Variants in NBEAL1 observed in about 807,000 individuals in gnomAD.
NBEAL1 encodes neurobeachin like 1.
In NBEAL1, 273 loss-of-function variants were observed where a neutral mutation model predicts 351.3. The observed-to-expected ratio is 0.78, with a 90% CI of 0.70 to 0.86. NBEAL1 has a LOEUF of 0.86. NBEAL1 is among the 40% of genes least tolerant of loss of function. NBEAL1 has a pLI of 0.00. For synonymous variants in NBEAL1, 1,050 were observed against 1,086.4 expected, an observed-to-expected ratio of 0.97 and a Z score of 0.66; for missense variants, 2,961 against 3,201.3, an observed-to-expected ratio of 0.92 and a Z score of 1.81.
At chr2:203,201,124 C>G (rs955834730) in intron 49 of NBEAL1, among the ~76,000 whole-genome samples, 9 of 152,214 alleles carry the variant, frequency 5.9e-5, no homozygotes, top group Admixed American at 5.9e-4. Flanking sequence ...ACACACTTAT[C>G]TGCCTGATTT....
intron 10 of NBEAL1, among the ~76,000 whole-genome samples, chr2:203,096,369 A>G (rs142677521): frequency 6.6e-6 from 1 of 152,330 alleles, no homozygotes; most frequent in East Asian, 1.9e-4. Flanking sequence ...TGCATATTTC[A>G]GCATGTAACT....
chr2:203,214,079 A>G (rs1410869394), intron 55 of NBEAL1, among the ~76,000 whole-genome samples: 1 of 152,168 alleles, frequency 6.6e-6, no homozygotes, highest in Admixed American at 6.5e-5. Flanking sequence ...AAATATCCCC[A>G]TTTAGTGTGC....
chr2:203,126,148 T>C (rs1167508683), intron 21 of NBEAL1, 55 bp downstream of exon 21: 7 of 1,455,700 alleles, frequency 4.8e-6, no homozygotes, highest in Non-Finnish European at 6.4e-6. Flanking sequence ...TTGCAGTTGA[T>C]GTTGGGATTT....
Position 203,126,031 on chromosome 2 carries a change from A to G in NBEAL1, c.2923A>G (p.Ile975Val). The G allele has an allele frequency of 6.5e-7, 1 of 1,543,964 alleles. No homozygotes were observed. The highest frequency in any genetic ancestry group is 8.7e-7 in the Non-Finnish European group (1 of 1,143,932). ...IVKHFIQRHP[I>V]NQGNLIHSHG... ...GAAACATTTTATTCAGAGACATCCT[A>G]TCAACCAGGGCAATCTTATTCACTC... is the stretch of plus-strand genomic sequence containing the variant. Residue 975 changes from isoleucine (I) to valine (V), a missense_variant, in exon 21 of 56, where the codon ATC becomes GTC. By Grantham distance (29) the Ile-to-Val change is conservative (BLOSUM62 3). Coordinates refer to ENST00000683969, the MANE Select transcript of NBEAL1 (RefSeq NM_001378026.1).
At position 203,219,236 on chromosome 2, in the gene NBEAL1, T is replaced by C. The variant is rs982510478; in HGVS notation, c.*1882T>C. On this transcript the variant is annotated 3_prime_UTR_variant, in exon 56 of 56. Coordinates refer to ENST00000683969, the MANE Select transcript of NBEAL1 (RefSeq NM_001378026.1). ...AAAATACTGATTTTTTTAGAAACTT[T>C]TTCTAAATCAAAACCTACTAAGTTT... 1 of 152,124 alleles carries C rather than the reference T, an allele frequency of 6.6e-6. No homozygotes were observed. The highest frequency in any genetic ancestry group is 2.4e-5 in the African/African-American group (1 of 41,448). 9.4% of individuals were successfully genotyped at this position (152,124 alleles called of 1,614,324 possible). A position where few individuals can be genotyped will look rare whatever the true frequency, so the allele number is the denominator to read the frequency against.
Position 203,108,013 on chromosome 2 carries a change from C to G in NBEAL1, c.1774C>G (p.Leu592Val), listed in dbSNP as rs2062474576. 1 of 1,554,272 alleles carries G rather than the reference C, an allele frequency of 6.4e-7. No individual in the cohort carries two copies. The highest frequency in any genetic ancestry group is 1.2e-5 in the South Asian group (1 of 84,268). ...CCTGACAATGGCCCGAAAACTAAGT[C>G]TAGAGAGTGCCCTCCAGTATTTCAA... ...AILTMARKLS[L>V]ESALQYFNLS... Residue 592 changes from leucine to valine, a missense_variant, in exon 14 of 56, where the codon CTA becomes GTA. Coordinates refer to ENST00000683969, the MANE Select transcript of NBEAL1 (RefSeq NM_001378026.1).
At chr2:203,083,604 C>A in intron 9 of NBEAL1, 79 bp downstream of exon 9, 1 of 1,094,696 alleles carries the variant, frequency 9.1e-7, no homozygotes, top group Non-Finnish European at 1.3e-6. Flanking sequence ...AAATACAAGG[C>A]CATTGTATGG....
intron 17 of NBEAL1, 139 bp downstream of exon 17, chr2:203,113,457 T>C (rs948306333): frequency 2.5e-5 from 14 of 565,014 alleles, no homozygotes; most frequent in East Asian, 3.5e-5. Flanking sequence ...TTTGTTTTAA[T>C]TGAAGCTGAA....
In NBEAL1 at chr2:203,218,457, T is replaced by C. The variant is rs1271403520; in HGVS notation, c.*1103T>C. 1 of 152,204 alleles carries C rather than the reference T, an allele frequency of 6.6e-6. No individual in the cohort carries two copies. Among genetic ancestry groups the C allele is most frequent in the Non-Finnish European group, 1.5e-5 (1 of 68,022 alleles). 9.4% of individuals were successfully genotyped at this position (152,204 alleles called of 1,614,324 possible). A position where few individuals can be genotyped will look rare whatever the true frequency, so the allele number is the denominator to read the frequency against. ...CTTTTGAGTTAGGTCAGAGAGCTTTTACAACTACCAGTGTTATTAATCTGA... is the reference window on the plus strand; with the variant it reads ...CTTTTGAGTTAGGTCAGAGAGCTTTCACAACTACCAGTGTTATTAATCTGA... On this transcript the variant is annotated 3_prime_UTR_variant, in exon 56 of 56. Coordinates refer to ENST00000683969, the MANE Select transcript of NBEAL1 (RefSeq NM_001378026.1).
At chr2:203,209,007 G>A (rs78593916) in intron 52 of NBEAL1, among the ~76,000 whole-genome samples, 154 bp from the exon 53 acceptor site, 1 of 152,150 alleles carries the variant, frequency 6.6e-6, no homozygotes, top group Admixed American at 6.5e-5. Context: ...AAATTTCGAA[G>A]TTGGAATTTT....
intron 3 of NBEAL1, among the ~76,000 whole-genome samples, chr2:203,046,054 C>T (rs1559328868): frequency 5.9e-5 from 9 of 152,110 alleles, no homozygotes; most frequent in Admixed American, 3.9e-4. Flanking sequence ...ATGGCTCAAG[C>T]CTATAATCCC....
intron 8 of NBEAL1, among the ~76,000 whole-genome samples, chr2:203,082,338 G>C (rs1043251237): frequency 2.0e-5 from 3 of 152,148 alleles, no homozygotes; most frequent in African/African-American, 7.2e-5. Flanking sequence ...TGAATATTGG[G>C]TGGGCCATTA....
chr2:203,224,488 C>A lies in NBEAL1; in HGVS notation c.*7134C>A, dbSNP rs1158560293. ...ATAAAAATATGAAACATATTTAATT[C>A]ATCTCTTTTGTCAGTTTTTCTGGGA... On this transcript the variant is annotated 3_prime_UTR_variant, in exon 56 of 56. Transcript: ENST00000683969. Among the ~76,000 whole-genome samples, 1 of 152,096 alleles carries A rather than the reference C, an allele frequency of 6.6e-6. No individual in the cohort carries two copies. Among genetic ancestry groups the A allele is most frequent in the Non-Finnish European group, 1.5e-5 (1 of 67,962 alleles).
chr2:203,131,102 A>C lies in NBEAL1; in HGVS notation c.3564+626A>C, dbSNP rs144114823. ...TGTTTCCACCTAAGCCTTTCTCATTAAGAAACAAAATTTTAAATTATTTCT... is the reference window on the plus strand; with the variant it reads ...TGTTTCCACCTAAGCCTTTCTCATTCAGAAACAAAATTTTAAATTATTTCT... On this transcript the variant is annotated intron_variant, in intron 25 of 55. Transcript: ENST00000683969. 1.3e-4 allele frequency among the ~76,000 whole-genome samples: 20 copies of C among 152,404 alleles called. No individual in the cohort carries two copies. The East Asian group carries it at 3.5e-3, about 26-fold the overall frequency.
chr2:203,047,957 A>G (rs149040884), intron 3 of NBEAL1, among the ~76,000 whole-genome samples: 4 of 151,868 alleles, frequency 2.6e-5, no homozygotes, highest in Admixed American at 6.6e-5. Flanking sequence ...TGCCCAGCCA[A>G]TTTTCTATTT....
chr2:203,042,034 A>C (rs992697353), intron 3 of NBEAL1, among the ~76,000 whole-genome samples, 178 bp downstream of exon 3: 1 of 152,236 alleles, frequency 6.6e-6, no homozygotes, highest in South Asian at 2.1e-4. Flanking sequence ...ATGATGCCAG[A>C]CCTGGCTTCT....
intron 2 of NBEAL1, among the ~76,000 whole-genome samples, chr2:203,036,469 A>G (rs546074550): frequency 6.7e-6 from 1 of 149,326 alleles, no homozygotes; most frequent in East Asian, 1.9e-4. Context: ...GTGTTCTTAC[A>G]TTTTAATTCC....
In NBEAL1 at chr2:203,112,008, A is replaced by G; in HGVS notation, c.2112A>G (p.Gly704=). The part of the protein sequence containing the change: ...WHNITVVHMP[G]KRPFGQSFVY... ...ACATAACTGTTGTCCACATGCCTGGAAAAAGGCCTTTTGGTCAGAGCTTCG... is the reference window on the plus strand; with the variant it reads ...ACATAACTGTTGTCCACATGCCTGGGAAAAGGCCTTTTGGTCAGAGCTTCG... The change falls in exon 16 of 56, where the codon GGA becomes GGG. Residue 704 remains glycine (G), a synonymous_variant. Transcript: ENST00000683969. 6.4e-7 allele frequency: 1 copy of G among 1,550,624 alleles called. No individual in the cohort carries two copies. The highest frequency in any genetic ancestry group is 1.4e-5 in the African/African-American group (1 of 73,158).
At chr2:203,147,499 C>T (rs2063542261) in intron 33 of NBEAL1, among the ~76,000 whole-genome samples, 1 of 151,826 alleles carries the variant, frequency 6.6e-6, no homozygotes, top group Admixed American at 6.6e-5. Flanking sequence ...AACTAAAAAA[C>T]ACTTGAAACA....
Sources: allele counts gnomAD v4.1 joint callset (sites outside exome capture counted in the v4.1 genomes callset), GRCh38; gene constraint gnomAD v4.1.1; transcripts MANE v1.5; gene names NCBI Gene and HGNC (gene_info 2026-07-23, HGNC 2026-07-21).